Variants in UNC5C observed in about 807,000 individuals in gnomAD.
The protein encoded by UNC5C is netrin receptor UNC5C.
A neutral mutation model predicts 99.8 loss-of-function variants in UNC5C; 47 were observed. The observed-to-expected ratio is 0.47, with a 90% confidence interval of 0.37 to 0.60. UNC5C has a LOEUF of 0.60. UNC5C is among the 20% of genes least tolerant of loss of function. The pLI, the probability that UNC5C is intolerant of heterozygous loss-of-function variation, is 0.00. For synonymous variants in UNC5C, 487 were observed against 452.2 expected (o/e 1.08, Z -0.98); for missense variants, 1,062 against 1,165.9 (o/e 0.91, Z 1.30).
intron 14 of UNC5C, among the ~76,000 whole-genome samples, chr4:95,171,496 T>C (rs527608557): frequency 1.5e-3 from 222 of 152,056 alleles, no homozygotes; most frequent in African/African-American, 4.8e-3. Flanking sequence ...GTGTTTGGTT[T>C]TTTGTTCTTG....
intron 1 of UNC5C, among the ~76,000 whole-genome samples, chr4:95,512,121 G>A (rs1405150591): frequency 2.0e-5 from 3 of 152,150 alleles, no homozygotes; most frequent in Non-Finnish European, 4.4e-5. Context: ...GGAGGACCTG[G>A]CATGCCCCAT....
intron 1 of UNC5C, among the ~76,000 whole-genome samples, chr4:95,508,485 A>C (rs976809122): frequency 2.0e-5 from 3 of 151,994 alleles, no homozygotes; most frequent in African/African-American, 7.2e-5. Flanking sequence ...GCTCAAATTC[A>C]ATAAACAGTA....
chr4:95,334,166 C>T (rs906364856), intron 2 of UNC5C, among the ~76,000 whole-genome samples: 1 of 152,014 alleles, frequency 6.6e-6, no homozygotes, highest in African/African-American at 2.4e-5. Context: ...TCTTCTCAGT[C>T]CTCTCATAGT....
chr4:95,222,360 G>A, intron 7 of UNC5C: 1 of 751,370 alleles, frequency 1.3e-6, no homozygotes, highest in East Asian at 3.1e-5. Context: ...TTAATTAAAA[G>A]GAAAAGAAAC....
intron 3 of UNC5C, among the ~76,000 whole-genome samples, chr4:95,280,903 T>G (rs1293686212): frequency 6.6e-6 from 1 of 152,146 alleles, no homozygotes; most frequent in African/African-American, 2.4e-5. Flanking sequence ...CGACATCTCT[T>G]TTGGTTAATT....
intron 1 of UNC5C, among the ~76,000 whole-genome samples, chr4:95,399,753 T>C (rs1392967364): frequency 6.6e-6 from 1 of 152,228 alleles, no homozygotes; most frequent in Non-Finnish European, 1.5e-5. Context: ...AAAGTACTTT[T>C]TCTTATTCTC....
At chr4:95,448,250 G>A (rs997548352) in intron 1 of UNC5C, among the ~76,000 whole-genome samples, 1 of 150,962 alleles carries the variant, frequency 6.6e-6, no homozygotes, top group African/African-American at 2.4e-5. Context: ...GAGAGAGAGA[G>A]AGAGAGAGAG....
intron 1 of UNC5C, among the ~76,000 whole-genome samples, chr4:95,452,823 A>G (rs887728125): frequency 1.3e-5 from 2 of 152,180 alleles, no homozygotes; most frequent in African/African-American, 4.8e-5. Flanking sequence ...ACACAGATCT[A>G]CCAGCATTCA....
intron 2 of UNC5C, among the ~76,000 whole-genome samples, chr4:95,315,252 T>C (rs1742430531): frequency 6.6e-6 from 1 of 152,130 alleles, no homozygotes; most frequent in Non-Finnish European, 1.5e-5. Context: ...AGACACCCCC[T>C]ACTCCCAAGA....
chr4:95,506,264 G>A (rs769145072), intron 1 of UNC5C, among the ~76,000 whole-genome samples: 6 of 152,044 alleles, frequency 3.9e-5, no homozygotes, highest in Non-Finnish European at 8.8e-5. Context: ...TCAACTCTGC[G>A]GCAACCAGTT....
chr4:95,548,033 C>A (rs897513054), intron 1 of UNC5C, among the ~76,000 whole-genome samples: 1 of 152,174 alleles, frequency 6.6e-6, no homozygotes, highest in African/African-American at 2.4e-5. Flanking sequence ...CCCCAGAGCT[C>A]CGGGATTTTC....
intron 12 of UNC5C, among the ~76,000 whole-genome samples, chr4:95,196,470 C>T (rs1291613072): frequency 1.3e-5 from 2 of 151,976 alleles, no homozygotes; most frequent in Non-Finnish European, 1.5e-5. Context: ...AATAATTCCA[C>T]TGTTGCCCAT....
intron 1 of UNC5C, among the ~76,000 whole-genome samples, chr4:95,536,065 T>C (rs535364568): frequency 2.9e-4 from 35 of 119,492 alleles, no homozygotes; most frequent in African/African-American, 8.4e-4. Context: ...TACATACATA[T>C]ATATATATAT....
intron 1 of UNC5C, among the ~76,000 whole-genome samples, chr4:95,367,381 GT>G (rs1744606827): frequency 6.6e-6 from 1 of 151,804 alleles, no homozygotes. Context: ...GTTTCGCCAT[GT>G]TGCCCAGGCT....
At chr4:95,239,323 G>T (rs867783975) in intron 7 of UNC5C, among the ~76,000 whole-genome samples, 7 of 152,146 alleles carry the variant, frequency 4.6e-5, no homozygotes, top group Non-Finnish European at 1.5e-5. Flanking sequence ...TTTAAATGAA[G>T]TCTTCATTTC....
intron 4 of UNC5C, among the ~76,000 whole-genome samples, chr4:95,266,302 G>A (rs567601166): frequency 6.6e-6 from 1 of 152,306 alleles, no homozygotes; most frequent in Admixed American, 6.5e-5. Flanking sequence ...TCCAGCTCTT[G>A]CAGTAGAAGG....
At chr4:95,289,301 A>G (rs1454188323) in intron 3 of UNC5C, among the ~76,000 whole-genome samples, 3 of 152,200 alleles carry the variant, frequency 2.0e-5, no homozygotes, top group Admixed American at 2.0e-4. Context: ...GCCAAACTCC[A>G]AATATCAGAA....
At chr4:95,325,965 T>C (rs942847691) in intron 2 of UNC5C, among the ~76,000 whole-genome samples, 1 of 152,140 alleles carries the variant, frequency 6.6e-6, no homozygotes, top group African/African-American at 2.4e-5. Flanking sequence ...TGTTCAGTAG[T>C]TATGGTAAAA....
Position 95,222,199 on chromosome 4 carries a change from A to T in UNC5C, c.1109-2023T>A, listed in dbSNP as rs75324275. 1.5e-4 allele frequency: 230 copies of T among 1,493,988 alleles called. 1 individual carries two copies. In the East Asian group the frequency reaches 5.7e-3, roughly 37 times the overall value. 92.5% of individuals were successfully genotyped at this position (1,493,988 alleles called of 1,614,324 possible). Reference sequence around the variant, plus strand: ...TTATTCAGCAACATAAAATCCAAACATCAAACTTACAAGAAAATCCATATT... The same window carrying T: ...TTATTCAGCAACATAAAATCCAAACTTCAAACTTACAAGAAAATCCATATT... On this transcript the variant is annotated intron_variant, in intron 7 of 15. Transcript: ENST00000453304.
Sources: gnomAD v4.1 joint callset for allele counts (sites outside exome capture counted in the v4.1 genomes callset) on GRCh38, gnomAD v4.1.1 for gene constraint, MANE v1.5 for transcripts, NCBI Gene and HGNC (gene_info 2026-07-23, HGNC 2026-07-21) for gene names.